TENM4: variants seen among roughly 807,000 people sequenced by gnomAD.
The protein encoded by TENM4 is teneurin-4.
A neutral mutation model predicts 243.3 loss-of-function variants in TENM4; 82 were observed. The observed-to-expected ratio is 0.34, with a 90% CI of 0.28 to 0.40. The LOEUF is 0.40. Among genes scored for constraint, TENM4 ranks in the 10% least tolerant of loss-of-function variants. The pLI is 1.00. For missense variants in TENM4, 3,138 were observed against 3,673.3 expected (o/e 0.85, Z 3.77); for synonymous variants, 1,412 against 1,456.3 (o/e 0.97, Z 0.69).
At chr11:78,660,604 G>A (rs1858005380) in intron 33 of TENM4, among the ~76,000 whole-genome samples, 1 of 152,142 alleles carries the variant, frequency 6.6e-6, no homozygotes, top group Non-Finnish European at 1.5e-5. Flanking sequence ...CCAGCAGCAA[G>A]CCATCTGGCA....
intron 9 of TENM4, among the ~76,000 whole-genome samples, chr11:78,867,160 T>C (rs1416027555): frequency 1.3e-5 from 2 of 152,220 alleles, no homozygotes; most frequent in East Asian, 1.9e-4. Context: ...TTATTGACTA[T>C]AGTCCACCCT....
intron 29 of TENM4, among the ~76,000 whole-genome samples, chr11:78,684,535 C>G (rs1858614964): frequency 1.3e-5 from 2 of 151,058 alleles, no homozygotes; most frequent in African/African-American, 2.5e-5. Flanking sequence ...CACAAACACA[C>G]ATACACACAG....
intron 6 of TENM4, among the ~76,000 whole-genome samples, chr11:78,976,579 G>A (rs997894269): frequency 6.6e-5 from 10 of 152,322 alleles, no homozygotes; most frequent in Admixed American, 5.2e-4. Flanking sequence ...ATAAAGATTT[G>A]TGAAACTTTT....
chr11:78,717,876 G>A (rs1859557872), intron 25 of TENM4, among the ~76,000 whole-genome samples: 3 of 152,198 alleles, frequency 2.0e-5, no homozygotes, highest in Non-Finnish European at 4.4e-5. Context: ...CCATGACCCT[G>A]GGGAAGAGCT....
At chr11:79,333,572 A>G (rs1214468422) in intron 1 of TENM4, among the ~76,000 whole-genome samples, 1 of 152,176 alleles carries the variant, frequency 6.6e-6, no homozygotes, top group Non-Finnish European at 1.5e-5. Context: ...GACAGAGCCT[A>G]TGCACATAGT....
chr11:78,684,900 A>G (rs560987168), intron 29 of TENM4, among the ~76,000 whole-genome samples: 47 of 152,340 alleles, frequency 3.1e-4, no homozygotes, highest in African/African-American at 1.0e-3. Flanking sequence ...TGCTCAGTAA[A>G]TTTTTGCTGG....
At position 78,929,007 on chromosome 11, in the gene TENM4, G is replaced by C. The variant is rs573147603; in HGVS notation, c.494-25484C>G. 1.4e-3 allele frequency among the ~76,000 whole-genome samples: 219 copies of C among 152,316 alleles called. 2 individuals are homozygous for C. The highest frequency in any genetic ancestry group is 2.6e-3 in the Non-Finnish European group (177 of 68,034). ...GAGTGAATTGTGAACCTCATGGCTG[G>C]GCCCGGAGTCTCTGGAAACCCACCC... is the stretch of plus-strand genomic sequence containing the variant. On this transcript the variant is annotated intron_variant, in intron 6 of 33. Transcript: ENST00000278550.
intron 6 of TENM4, among the ~76,000 whole-genome samples, chr11:78,972,647 C>T (rs621543): frequency 0.56 from 85,287 of 151,842 alleles, 25,227 homozygotes; most frequent in African/African-American, 0.75. Context: ...AGGACTTTCA[C>T]TGAGTTTTTA....
At chr11:79,352,873 A>C (rs1857438248) in intron 1 of TENM4, among the ~76,000 whole-genome samples, 1 of 152,150 alleles carries the variant, frequency 6.6e-6, no homozygotes, top group South Asian at 2.1e-4. Flanking sequence ...TTCTTTCTTA[A>C]GAAGTAGAAA....
intron 18 of TENM4, among the ~76,000 whole-genome samples, chr11:78,767,350 A>T (rs1448313716): frequency 6.6e-6 from 1 of 152,272 alleles, no homozygotes; most frequent in African/African-American, 2.4e-5. Flanking sequence ...TGCAAACTGT[A>T]AAGTGACATA....
rs185081931 is a variant in TENM4 at position 78,793,202 on chromosome 11, C to T, written c.2180-6119G>A. Among the ~76,000 whole-genome samples the T allele has an allele frequency of 1.2e-3, 187 of 152,232 alleles. 1 individual carries two copies. Among genetic ancestry groups the T allele is most frequent in the African/African-American group, 4.0e-3 (167 of 41,532 alleles). On this transcript the variant is annotated intron_variant, in intron 15 of 33. Coordinates refer to ENST00000278550, the MANE Select transcript of TENM4 (RefSeq NM_001098816.3). The stretch of plus-strand genomic sequence containing the variant: ...TTTCTCCGAAAGGGAAAGACTTATG[C>T]ACAATTTTCCCACAAAATTTCTTCT...
chr11:78,909,941 G>A (rs1315707535), intron 6 of TENM4, among the ~76,000 whole-genome samples: 1 of 152,156 alleles, frequency 6.6e-6, no homozygotes, highest in Non-Finnish European at 1.5e-5. Context: ...GATTTCTGGT[G>A]GCCACGTGGA....
rs754015316 is a variant in TENM4 at position 78,854,221 on chromosome 11, G to A, written c.1564C>T (p.Pro522Ser). 5.3e-5 allele frequency: 82 copies of A among 1,551,324 alleles called. No individual in the cohort carries two copies. Among genetic ancestry groups the A allele is most frequent in the Non-Finnish European group, 6.7e-5 (77 of 1,146,892 alleles). The change falls in exon 12 of 34, where the codon CCC becomes TCC. Residue 522 changes from proline to serine, a missense_variant. This residue lies in a region of TENM4 where 2,467 missense variants were observed against 3,059.1 expected (regional missense o/e 0.81). Coordinates refer to ENST00000278550, the MANE Select transcript of TENM4 (RefSeq NM_001098816.3). ...AAGCCTGTCTCATGGCTGGAGGGGG[G>A]CACAGTTCCCCGAGACTGGCGCGGG... ...GTPRQSRGTV[P>S]PSSHETGFIQ...
intron 6 of TENM4, among the ~76,000 whole-genome samples, chr11:78,954,804 C>T (rs367696448): frequency 3.9e-5 from 6 of 152,210 alleles, no homozygotes; most frequent in Non-Finnish European, 8.8e-5. Context: ...GTGGGCACAC[C>T]GCTGTGGCAC....
chr11:78,716,429 T>G (rs1859522726), intron 25 of TENM4, among the ~76,000 whole-genome samples: 1 of 152,226 alleles, frequency 6.6e-6, no homozygotes, highest in African/African-American at 2.4e-5. Context: ...GTCTTTTGGA[T>G]GAAACCTTGA....
chr11:79,239,471 A>G (rs1435452962), intron 2 of TENM4, among the ~76,000 whole-genome samples: 1 of 152,092 alleles, frequency 6.6e-6, no homozygotes, highest in Non-Finnish European at 1.5e-5. Flanking sequence ...GAGGTTCAGG[A>G]AGGTTAATTG....
At chr11:79,163,613 C>T (rs1023799035) in intron 3 of TENM4, among the ~76,000 whole-genome samples, 1 of 151,892 alleles carries the variant, frequency 6.6e-6, no homozygotes, top group Non-Finnish European at 1.5e-5. Context: ...CATAGCTTAG[C>T]TCCCATTATG....
At position 79,064,755 on chromosome 11, in the gene TENM4, T is replaced by A; in HGVS notation, c.476A>T (p.His159Leu). The A allele has an allele frequency of 5.8e-6, 9 of 1,551,672 alleles. No homozygotes were observed. Among genetic ancestry groups the A allele is most frequent in the Non-Finnish European group, 7.8e-6 (9 of 1,146,976 alleles). ...CCACTCACCAGTCTCAGTGTTTTCA[T>A]GCTCGGTGTCGGTGAGTGTGAGATT... is the stretch of plus-strand genomic sequence containing the variant. The part of the protein sequence containing the change: ...NSNLTLTDTE[H>L]ENTETDHPGG... The change falls in exon 6 of 34, where the codon CAT becomes CTT. Residue 159 changes from histidine to leucine, a missense_variant. By Grantham distance (99) the His-to-Leu change is moderately conservative (BLOSUM62 -3). Coordinates refer to ENST00000278550, the MANE Select transcript of TENM4 (RefSeq NM_001098816.3).
chr11:78,814,502 G>A, intron 12 of TENM4, 107 bp from the exon 13 acceptor site: 1 of 848,552 alleles, frequency 1.2e-6, no homozygotes, highest in South Asian at 1.6e-5. Flanking sequence ...TTGAGCTCTT[G>A]TGGCCCCGTC....
Sources: gnomAD v4.1 joint callset for allele counts (sites outside exome capture counted in the v4.1 genomes callset) on GRCh38, gnomAD v4.1.1 for gene constraint, gnomAD v4.1.1 regional missense constraint, MANE v1.5 for transcripts, NCBI Gene and HGNC (gene_info 2026-07-23, HGNC 2026-07-21) for gene names.